Variants in RGS17 observed in about 807,000 individuals in gnomAD.
RGS17 encodes the protein regulator of G protein signaling 17.
RGS17 carries 12 observed loss-of-function variants against 25.5 expected under a neutral mutation model. The observed-to-expected ratio is 0.47, with a 90% CI of 0.30 to 0.76. The LOEUF (loss-of-function observed/expected upper bound fraction) is 0.76, where lower values mean the gene tolerates loss of function less well. RGS17 is among the 30% of genes least tolerant of loss of function. The probability of loss-of-function intolerance (pLI) is 0.07; values close to 1 mark genes in which losing one functional copy is unlikely to be tolerated. For missense variants in RGS17, 196 were observed against 242.2 expected (o/e 0.81, Z 1.27); for synonymous variants, 71 against 76.9 (o/e 0.92, Z 0.40).
intron 3 of RGS17, 41 bp downstream of exon 3, chr6:153,026,413 A>T: frequency 6.9e-7 from 1 of 1,453,946 alleles, no homozygotes; most frequent in Non-Finnish European, 9.6e-7. Flanking sequence ...TAAATGGCAT[A>T]TAAATGCAAG....
At position 153,032,167 on chromosome 6, in the gene RGS17, A is replaced by G. The variant is rs1468541882; in HGVS notation, c.120-5624T>C. ...ATGGGCTGGTAACCACATAATATACAACATTTCAGACACATAGAAACTCAA... is the reference window on the plus strand; with the variant it reads ...ATGGGCTGGTAACCACATAATATACGACATTTCAGACACATAGAAACTCAA... On this transcript the variant is annotated intron_variant, in intron 2 of 4. Transcript: ENST00000206262. Among the ~76,000 whole-genome samples the G allele has an allele frequency of 6.6e-5, 10 of 152,318 alleles. No homozygotes were observed. In the East Asian group the frequency reaches 1.9e-3, roughly 29 times the overall value.
chr6:153,069,773 T>C (rs1776762178), intron 1 of RGS17, among the ~76,000 whole-genome samples: 1 of 151,974 alleles, frequency 6.6e-6, no homozygotes, highest in Admixed American at 6.6e-5. Context: ...TGTGTGTGTA[T>C]CTACTGTGTA....
At chr6:153,066,857 T>C (rs1776715598) in intron 1 of RGS17, among the ~76,000 whole-genome samples, 1 of 152,074 alleles carries the variant, frequency 6.6e-6, no homozygotes, top group South Asian at 2.1e-4. Flanking sequence ...CTGGCTAACA[T>C]GGTGAAACCC....
chr6:153,015,103 T>C (rs1288031378), intron 4 of RGS17, among the ~76,000 whole-genome samples: 2 of 152,218 alleles, frequency 1.3e-5, no homozygotes, highest in Non-Finnish European at 2.9e-5. Flanking sequence ...TAGGACTGAT[T>C]GCTCCGATTT....
chr6:153,120,455 A>C (rs1033290902), intron 1 of RGS17, among the ~76,000 whole-genome samples: 5 of 152,112 alleles, frequency 3.3e-5, no homozygotes, highest in Admixed American at 2.0e-4. Flanking sequence ...CTCTGACTCA[A>C]ACATTTTCTC....
chr6:153,125,252 A>G (rs1777687762), intron 1 of RGS17, among the ~76,000 whole-genome samples: 1 of 152,196 alleles, frequency 6.6e-6, no homozygotes, highest in African/African-American at 2.4e-5. Flanking sequence ...GTGAACCACA[A>G]TCATTGACTA....
intron 2 of RGS17, among the ~76,000 whole-genome samples, chr6:153,037,226 G>T: frequency 6.6e-6 from 1 of 150,402 alleles, no homozygotes; most frequent in African/African-American, 2.5e-5. Context: ...ACACACAGGA[G>T]CATGAAGAAA....
chr6:153,070,426 T>C lies in RGS17; in HGVS notation c.-25-26383A>G, dbSNP rs188033843. On this transcript the variant is annotated intron_variant, in intron 1 of 4. Coordinates refer to ENST00000206262, the MANE Select transcript of RGS17 (RefSeq NM_012419.5). ...ATATCTACTTTATAAATTTCTAGGA[T>C]GTTAAATAGTTATGTCTATGTATAC... 2.6e-5 allele frequency among the ~76,000 whole-genome samples: 4 copies of C among 152,202 alleles called. No homozygotes were observed. In the East Asian group the frequency reaches 5.8e-4, roughly 22 times the overall value.
In RGS17 at chr6:153,054,734, C is replaced by T. The variant is rs564240362; in HGVS notation, c.-25-10691G>A. Among the ~76,000 whole-genome samples, 338 of 126,718 alleles carry T rather than the reference C, an allele frequency of 2.7e-3. 1 individual carries two copies. The highest frequency in any genetic ancestry group is 0.011 in the African/African-American group (325 of 30,774). 83.1% of individuals were successfully genotyped at this position (126,718 alleles called of 152,430 possible). A position where few individuals can be genotyped will look rare whatever the true frequency, so the allele number is the denominator to read the frequency against. On this transcript the variant is annotated intron_variant, in intron 1 of 4. Transcript: ENST00000206262. ...TTCACTCTCTTCTATGTCTTTCAAC[C>T]GGCTTAAAAAAAACATCATAGGCAA...
chr6:153,054,092 TTATATA>T (rs1199437911), intron 1 of RGS17, among the ~76,000 whole-genome samples: 1 of 42,102 alleles, frequency 2.4e-5, no homozygotes, highest in African/African-American at 1.2e-4. Flanking sequence ...ACAATATTTT[TTATATA>T]TATATATATA....
chr6:153,087,603 A>T lies in RGS17; in HGVS notation c.-26+43521T>A, dbSNP rs566718423. Among the ~76,000 whole-genome samples the T allele has an allele frequency of 2.0e-5, 3 of 152,314 alleles. No homozygotes were observed. In the East Asian group the frequency reaches 5.8e-4, roughly 29 times the overall value. On this transcript the variant is annotated intron_variant, in intron 1 of 4. Coordinates refer to ENST00000206262, the MANE Select transcript of RGS17 (RefSeq NM_012419.5). ...CAGTTGGATGTCAGGATTTCTAAGA[A>T]TCAGTGGCTTTTTTGAGCTTTCCAT...
intron 3 of RGS17, 62 bp downstream of exon 3, chr6:153,026,391 AC>A: frequency 8.6e-7 from 1 of 1,169,128 alleles, no homozygotes; most frequent in Non-Finnish European, 1.3e-6. Flanking sequence ...ATACTGAGGC[AC>A]GCAGTTGATG....
intron 1 of RGS17, among the ~76,000 whole-genome samples, chr6:153,058,341 G>C (rs548357391): frequency 6.6e-6 from 1 of 152,180 alleles, no homozygotes; most frequent in East Asian, 1.9e-4. Flanking sequence ...GTATCCATTG[G>C]CTGGGATCTT....
In RGS17 at chr6:153,108,823, G is replaced by A. The variant is rs903104172; in HGVS notation, c.-26+22301C>T. Among the ~76,000 whole-genome samples the A allele has an allele frequency of 4.0e-5, 6 of 151,186 alleles. No homozygotes were observed. In the South Asian group the frequency reaches 6.3e-4, roughly 16 times the overall value. ...CAAGAGTGTGCATGTGTGTGTTTGC[G>A]TGTAGACAGACAGATCAATCTTTAT... On this transcript the variant is annotated intron_variant, in intron 1 of 4. Transcript: ENST00000206262.
chr6:153,021,073 A>C (rs1779243452), intron 4 of RGS17, among the ~76,000 whole-genome samples: 1 of 152,204 alleles, frequency 6.6e-6, no homozygotes, highest in South Asian at 2.1e-4. Flanking sequence ...ATAGCCTTAC[A>C]GTTGCCATTA....
chr6:153,064,403 G>C (rs143659879), intron 1 of RGS17, among the ~76,000 whole-genome samples: 4,947 of 152,278 alleles, frequency 0.032, 386 homozygotes, highest in South Asian at 0.26. Context: ...GGCTGAGGCA[G>C]GTGGATCATG....
intron 4 of RGS17, among the ~76,000 whole-genome samples, chr6:153,019,831 A>G (rs1357581981): frequency 6.6e-6 from 1 of 152,046 alleles, no homozygotes; most frequent in Non-Finnish European, 1.5e-5. Context: ...GTATTTCTTT[A>G]TAGCAATGCA....
At chr6:153,124,959 T>C (rs935025620) in intron 1 of RGS17, among the ~76,000 whole-genome samples, 2 of 151,844 alleles carry the variant, frequency 1.3e-5, no homozygotes, top group Admixed American at 1.3e-4. Flanking sequence ...AATAACAGGC[T>C]CCCACCTTTC....
At chr6:153,067,826 A>G (rs574379962) in intron 1 of RGS17, among the ~76,000 whole-genome samples, 1 of 152,306 alleles carries the variant, frequency 6.6e-6, no homozygotes, top group South Asian at 2.1e-4. Flanking sequence ...ATTTATATGG[A>G]ACCACAAAAG....
Sources: gnomAD v4.1 joint callset for allele counts (sites outside exome capture counted in the v4.1 genomes callset) on GRCh38, gnomAD v4.1.1 for gene constraint, MANE v1.5 for transcripts, NCBI Gene and HGNC (gene_info 2026-07-23, HGNC 2026-07-21) for gene names.